CTDP1: variants seen among roughly 807,000 people sequenced by gnomAD.
CTDP1 encodes RNA polymerase II subunit A C-terminal domain phosphatase.
Under a neutral mutation model 91.8 loss-of-function variants are expected in CTDP1, and 47 were observed. The ratio of observed to expected loss-of-function variants is 0.51; its 90% CI spans 0.41 to 0.65. The LOEUF is 0.65. CTDP1 is among the 30% of genes least tolerant of loss of function. CTDP1 has a pLI of 0.00. For synonymous variants in CTDP1, 656 were observed against 598.5 expected (o/e 1.10, Z -1.40); for missense variants, 1,272 against 1,373.7 (o/e 0.93, Z 1.17).
chr18:79,747,793 C>G (rs866241973), intron 12 of CTDP1, among the ~76,000 whole-genome samples: 3 of 152,148 alleles, frequency 2.0e-5, no homozygotes, highest in Non-Finnish European at 4.4e-5. Context: ...CTTTTGTTCC[C>G]GCGGCCACGC....
In CTDP1 at chr18:79,705,377, G is replaced by T. The variant is rs780133634; in HGVS notation, c.772+460G>T. 2.0e-5 allele frequency among the ~76,000 whole-genome samples: 3 copies of T among 152,206 alleles called. 1 individual carries two copies. The highest frequency in any genetic ancestry group is 4.8e-5 in the African/African-American group (2 of 41,450). ...GATAGCGTGAATGCCAGGCTACGGT[G>T]CCCTCTGGGAGGCAGCACCAGCAGG... On this transcript the variant is annotated intron_variant, in intron 5 of 12. Transcript: ENST00000613122.
upstream of CTDP1, chr18:79,677,431 T>A (rs2085268126): frequency 6.6e-6 from 1 of 152,066 alleles, no homozygotes; most frequent in African/African-American, 2.4e-5. Flanking sequence ...AAGGCAGAGG[T>A]GAGGCCTGCA....
chr18:79,755,035 C>A (rs1336712521), downstream of CTDP1: 1 of 152,334 alleles, frequency 6.6e-6, no homozygotes, highest in Non-Finnish European at 1.5e-5. Flanking sequence ...TCTCGCGGGA[C>A]CTCCAGGCTC....
intron 12 of CTDP1, among the ~76,000 whole-genome samples, chr18:79,743,994 C>G (rs1397579448): frequency 6.6e-6 from 1 of 152,188 alleles, no homozygotes. Context: ...CAGCTCAGGG[C>G]AAACCCGCCA....
chr18:79,736,928 G>A (rs961125980), intron 12 of CTDP1, among the ~76,000 whole-genome samples: 4 of 151,940 alleles, frequency 2.6e-5, no homozygotes, highest in Non-Finnish European at 5.9e-5. Context: ...ACGTGTGCAC[G>A]CAGGCATGTA....
chr18:79,741,272 C>T (rs1044299766), intron 12 of CTDP1, among the ~76,000 whole-genome samples: 3 of 152,092 alleles, frequency 2.0e-5, no homozygotes, highest in Non-Finnish European at 4.4e-5. Flanking sequence ...GTCCCCCGTG[C>T]GGTTGATCTC....
intron 4 of CTDP1, among the ~76,000 whole-genome samples, chr18:79,698,836 G>A (rs2122515590): frequency 6.6e-6 from 1 of 152,290 alleles, no homozygotes; most frequent in Admixed American, 6.5e-5. Flanking sequence ...GATGCACCAC[G>A]GAGCCGGGCA....
In CTDP1 at chr18:79,729,502, T is replaced by C. The variant is rs577569583; in HGVS notation, c.2580+433T>C. Among the ~76,000 whole-genome samples, 4 of 152,330 alleles carry C rather than the reference T, an allele frequency of 2.6e-5. No individual in the cohort carries two copies. In the East Asian group the frequency reaches 7.7e-4, roughly 29 times the overall value. ...CCCATTGAGAAACGCTGGAGGGCTG[T>C]GTGTTGCACGTGGGCCTTAAACACA... On this transcript the variant is annotated intron_variant, in intron 11 of 12. Transcript: ENST00000613122.
At chr18:79,681,442 C>A (rs520874) in intron 1 of CTDP1, 156,815 of 983,484 alleles carry the variant, frequency 0.16, 12,639 homozygotes, top group Middle Eastern at 0.22. Flanking sequence ...ACAGAAAACC[C>A]CAGGATGGAA....
At chr18:79,692,564 T>C (rs1157261135) in intron 1 of CTDP1, among the ~76,000 whole-genome samples, 1 of 152,246 alleles carries the variant, frequency 6.6e-6, no homozygotes, top group Non-Finnish European at 1.5e-5. Flanking sequence ...TTAGGAGAGA[T>C]TGGCAAAATC....
rs371862690 is a variant in CTDP1, at chr18:79,714,604, C to T, written c.1144C>T (p.Arg382Trp). The T allele has an allele frequency of 3.0e-5, 48 of 1,612,894 alleles. No homozygotes were observed. Among genetic ancestry groups the T allele is most frequent in the Admixed American group, 5.0e-5 (3 of 60,006 alleles). ...EPSNGLEKPARELNGSEAATP... is the reference protein window; with the variant it reads ...EPSNGLEKPAWELNGSEAATP... ...CAGCAATGGCCTGGAGAAGCCTGCA[C>T]GGGAGCTGAACGGCAGCGAGGCCGC... is the stretch of plus-strand genomic sequence containing the variant. The change falls in exon 8 of 13, where the codon CGG becomes TGG. Residue 382 changes from arginine (R) to tryptophan (W), a missense_variant. Physicochemically the swap from Arg to Trp is moderately radical, Grantham distance 101 (BLOSUM62 -3). Around this residue, in one of 3 missense-constraint regions of CTDP1, gnomAD observed 881 missense variants for 911.6 expected, o/e 0.97. Transcript: ENST00000613122.
chr18:79,682,062 C>T (rs2085382072), intron 1 of CTDP1, among the ~76,000 whole-genome samples: 1 of 152,162 alleles, frequency 6.6e-6, no homozygotes. Flanking sequence ...TGTGCATGTG[C>T]CCTGGCAGTT....
chr18:79,698,166 C>T (rs1433590061), intron 4 of CTDP1, among the ~76,000 whole-genome samples, 178 bp downstream of exon 4: 1 of 152,232 alleles, frequency 6.6e-6, no homozygotes, highest in Non-Finnish European at 1.5e-5. Context: ...GGGGAGCATC[C>T]GCGGCTCCCG....
intron 5 of CTDP1, 63 bp from the exon 6 acceptor site, chr18:79,710,283 C>A: frequency 7.9e-7 from 1 of 1,269,504 alleles, no homozygotes; most frequent in South Asian, 1.2e-5. Context: ...AAGGCTTCAC[C>A]ATGTGCCGTG....
chr18:79,679,155 G>T, upstream of CTDP1: 1 of 304,418 alleles, frequency 3.3e-6, no homozygotes, highest in Non-Finnish European at 6.5e-6. Flanking sequence ...GCGCTTCCGG[G>T]CGCCTTGCCC....
chr18:79,718,166 G>A lies in CTDP1; in HGVS notation c.2417+150G>A, dbSNP rs55830009. Reference sequence around the variant, plus strand: ...CCTGCTTCCACCTTGTGGGAGCGCCGCCCCCGCTTGCAGTCTTGGGTCCTT... The same window carrying A: ...CCTGCTTCCACCTTGTGGGAGCGCCACCCCCGCTTGCAGTCTTGGGTCCTT... On this transcript the variant is annotated intron_variant, in intron 10 of 12. Coordinates refer to ENST00000613122, the MANE Select transcript of CTDP1 (RefSeq NM_004715.5). 0.14 allele frequency: 127,771 copies of A among 891,920 alleles called. 11,444 individuals carry two copies. Among genetic ancestry groups the A allele is most frequent in the Non-Finnish European group, 0.18 (102,172 of 567,410 alleles). 55.3% of individuals were successfully genotyped at this position (891,920 alleles called of 1,614,324 possible). A position where few individuals can be genotyped will look rare whatever the true frequency, so the allele number is the denominator to read the frequency against.
intron 12 of CTDP1, among the ~76,000 whole-genome samples, chr18:79,743,813 A>G (rs531073224): frequency 1.3e-5 from 2 of 152,372 alleles, no homozygotes; most frequent in East Asian, 1.9e-4. Context: ...CTCAAAATAC[A>G]TCGTGAAACA....
At chr18:79,702,794 C>T (rs2122545068) in intron 4 of CTDP1, 1 of 152,286 alleles carries the variant, frequency 6.6e-6, no homozygotes, top group Admixed American at 6.5e-5. Flanking sequence ...CACTGGGAAA[C>T]CAAAAAATTC....
chr18:79,714,337 A>G (rs181464033), intron 7 of CTDP1, among the ~76,000 whole-genome samples, 154 bp from the exon 8 acceptor site: 1 of 152,272 alleles, frequency 6.6e-6, no homozygotes, highest in East Asian at 1.9e-4. Context: ...AGGGGTGCTC[A>G]CCCTGTCCGG....
Sources: allele counts gnomAD v4.1 joint callset (sites outside exome capture counted in the v4.1 genomes callset), GRCh38; gene constraint gnomAD v4.1.1; regional missense constraint gnomAD v4.1.1; transcripts MANE v1.5; gene names NCBI Gene and HGNC (gene_info 2026-07-23, HGNC 2026-07-21).